The following SYNE1 variants were observed in gnomAD, a reference collection of about 807,000 sequenced individuals.
The protein encoded by SYNE1 is nesprin-1.
Under a neutral mutation model 1,111.0 loss-of-function variants are expected in SYNE1, and 616 were observed. The observed-to-expected ratio is 0.55, with a 90% CI of 0.52 to 0.59. The LOEUF (loss-of-function observed/expected upper bound fraction) is 0.59, where lower values mean the gene tolerates loss of function less well. Among genes scored for constraint, SYNE1 ranks in the 20% least tolerant of loss-of-function variants. The pLI is 0.00. For missense variants in SYNE1, 10,006 were observed against 10,417.0 expected (o/e 0.96, Z 1.72); for synonymous variants, 3,855 against 3,825.8 (o/e 1.01, Z -0.28).
At position 152,513,825 on chromosome 6, in the gene SYNE1, G is replaced by T. The variant is rs190420754; in HGVS notation, c.310-2722C>A. Among the ~76,000 whole-genome samples the T allele has an allele frequency of 7.8e-4, 118 of 152,222 alleles. 1 individual carries two copies. Among genetic ancestry groups the T allele is most frequent in the African/African-American group, 2.5e-3 (105 of 41,522 alleles). On this transcript the variant is annotated intron_variant, in intron 6 of 145. Coordinates refer to ENST00000367255, the MANE Select transcript of SYNE1 (RefSeq NM_182961.4). ...CCATCAAAAAGTGGGCAAAGGATAT[G>T]AGCAGACACTTCTCAAAAGAAGACA...
At chr6:152,562,227 G>C (rs1458716580) in intron 3 of SYNE1, among the ~76,000 whole-genome samples, 1 of 151,832 alleles carries the variant, frequency 6.6e-6, no homozygotes, top group Non-Finnish European at 1.5e-5. Context: ...AACAAACAAA[G>C]AAAACGGGCA....
At chr6:152,371,515 T>C (rs2097179400) in intron 59 of SYNE1, among the ~76,000 whole-genome samples, 1 of 142,648 alleles carries the variant, frequency 7.0e-6, no homozygotes, top group Non-Finnish European at 1.5e-5. Context: ...AATGAACTAA[T>C]ACACCACAAA....
intron 107 of SYNE1, 134 bp downstream of exon 107, chr6:152,242,105 AT>A (rs1177475942): frequency 2.3e-5 from 21 of 926,880 alleles, no homozygotes; most frequent in Non-Finnish European, 8.4e-6. Context: ...TTTTTTGGCC[AT>A]TTTTAAAGAA....
intron 66 of SYNE1, among the ~76,000 whole-genome samples, chr6:152,355,814 T>C (rs2096827227): frequency 6.6e-6 from 1 of 152,182 alleles, no homozygotes; most frequent in African/African-American, 2.4e-5. Context: ...AGTTAAAACA[T>C]AGTATTTCTC....
At chr6:152,631,723 G>A (rs926815057) in intron 2 of SYNE1, among the ~76,000 whole-genome samples, 5 of 152,120 alleles carry the variant, frequency 3.3e-5, no homozygotes, top group Non-Finnish European at 5.9e-5. Context: ...TGGTCACCCA[G>A]GGGTGGAGGT....
intron 46 of SYNE1, among the ~76,000 whole-genome samples, chr6:152,402,188 G>T (rs2097830684): frequency 6.6e-6 from 1 of 152,116 alleles, no homozygotes; most frequent in South Asian, 2.1e-4. Context: ...GCCAGGCAAG[G>T]TTTAGCATTC....
intron 93 of SYNE1, among the ~76,000 whole-genome samples, chr6:152,299,743 G>A (rs1426068417): frequency 6.6e-6 from 1 of 151,788 alleles, no homozygotes; most frequent in Non-Finnish European, 1.5e-5. Context: ...ATGACAGTCT[G>A]AATGCTTCTG....
chr6:152,566,627 C>T (rs1433484279), intron 3 of SYNE1, among the ~76,000 whole-genome samples: 1 of 152,140 alleles, frequency 6.6e-6, no homozygotes, highest in Non-Finnish European at 1.5e-5. Context: ...GTGGGATTAT[C>T]AACAGAGTGT....
intron 41 of SYNE1, among the ~76,000 whole-genome samples, chr6:152,415,246 C>T (rs2098133507): frequency 6.6e-6 from 1 of 152,192 alleles, no homozygotes; most frequent in South Asian, 2.1e-4. Flanking sequence ...ACTAAGGGAA[C>T]TTATCTTTGA....
intron 75 of SYNE1, among the ~76,000 whole-genome samples, chr6:152,338,592 G>C (rs1438659926): frequency 6.6e-6 from 1 of 152,226 alleles, no homozygotes; most frequent in Admixed American, 6.5e-5. Flanking sequence ...CTGCACTCCA[G>C]ACTGGTTGGC....
intron 77 of SYNE1, 46 bp downstream of exon 77, chr6:152,333,962 A>G: frequency 6.2e-7 from 1 of 1,613,648 alleles, no homozygotes; most frequent in Non-Finnish European, 8.5e-7. Context: ...ATATTAAGAA[A>G]TGTCTGGCTT....
chr6:152,191,542 G>A (rs759149875), intron 127 of SYNE1, among the ~76,000 whole-genome samples: 1 of 151,838 alleles, frequency 6.6e-6, no homozygotes, highest in African/African-American at 2.4e-5. Flanking sequence ...TTTCTTCTAG[G>A]TTTCCCAATT....
Position 152,154,993 on chromosome 6 carries a change from G to A in SYNE1, c.24028C>T (p.Arg8010Cys), listed in dbSNP as rs1371378853. The A allele has an allele frequency of 1.3e-5, 21 of 1,614,050 alleles. 1 individual carries two copies. Among genetic ancestry groups the A allele is most frequent in the South Asian group, 4.4e-5 (4 of 91,084 alleles). Reference sequence around the variant, plus strand: ...GAAGACTTCAGCCAATCTTCAAAACGTGAATAGTCATCCAGAAATTTCTGC... The same window carrying A: ...GAAGACTTCAGCCAATCTTCAAAACATGAATAGTCATCCAGAAATTTCTGC... ...LWQKFLDDYS[R>C]FEDWLKSSER... The change falls in exon 133 of 146, where the codon CGT (arginine) becomes TGT (cysteine). Residue 8010 changes from arginine to cysteine, a missense_variant. Transcript: ENST00000367255.
intron 11 of SYNE1, among the ~76,000 whole-genome samples, chr6:152,489,967 C>A (rs1399353121): frequency 6.6e-6 from 1 of 152,158 alleles, no homozygotes; most frequent in Non-Finnish European, 1.5e-5. Context: ...GAGAACACTT[C>A]TCTATGATCC....
intron 131 of SYNE1, 59 bp downstream of exon 131, chr6:152,164,104 C>A: frequency 1.2e-6 from 2 of 1,608,524 alleles, no homozygotes; most frequent in Non-Finnish European, 1.7e-6. Flanking sequence ...CCCCATCATC[C>A]TGGCCAGGAG....
In SYNE1 at chr6:152,209,742, G is replaced by A. The variant is rs569656606; in HGVS notation, c.22590-1536C>T. 5.4e-5 allele frequency among the ~76,000 whole-genome samples: 8 copies of A among 148,884 alleles called. No homozygotes were observed. In the East Asian group the frequency reaches 8.0e-4, roughly 15 times the overall value. On this transcript the variant is annotated intron_variant, in intron 124 of 145. Transcript: ENST00000367255. ...TCTAGCCTGAGCGAAAGAGCAAGAC[G>A]CTGTCTCAAAAAAGAAAAAAAAAAA... is the stretch of plus-strand genomic sequence containing the variant.
At chr6:152,199,009 A>C (rs1021215797) in intron 127 of SYNE1, among the ~76,000 whole-genome samples, 5 of 151,836 alleles carry the variant, frequency 3.3e-5, no homozygotes, top group South Asian at 2.1e-4. Context: ...AAACCAAAAA[A>C]CAAAAAACAA....
At chr6:152,340,878 T>C (rs1057405447) in intron 74 of SYNE1, among the ~76,000 whole-genome samples, 2 of 152,140 alleles carry the variant, frequency 1.3e-5, no homozygotes, top group Non-Finnish European at 1.5e-5. Flanking sequence ...AGATGAACCA[T>C]GAAGATGGCC....
chr6:152,210,044 A>G (rs907602600), intron 124 of SYNE1, among the ~76,000 whole-genome samples: 2 of 152,208 alleles, frequency 1.3e-5, no homozygotes, highest in African/African-American at 4.8e-5. Flanking sequence ...ACCTGCCAGC[A>G]TGAGGAATTA....
Sources: gnomAD v4.1 joint callset for allele counts (sites outside exome capture counted in the v4.1 genomes callset) on GRCh38, gnomAD v4.1.1 for gene constraint, MANE v1.5 for transcripts, NCBI Gene and HGNC (gene_info 2026-07-23, HGNC 2026-07-21) for gene names.